The following COL18A1 variants were observed in gnomAD, a reference collection of about 807,000 sequenced individuals.
COL18A1 encodes collagen alpha-1(XVIII) chain.
In COL18A1, 133 loss-of-function variants were observed where a neutral mutation model predicts 168.0. That is an observed-to-expected ratio of 0.79 (90% CI 0.69 to 0.91). The LOEUF (loss-of-function observed/expected upper bound fraction) is 0.91. Ranked by LOEUF, COL18A1 falls within the 40% of genes least tolerant of loss-of-function variation. The probability of loss-of-function intolerance (pLI) is 0.00; values close to 1 mark genes in which losing one functional copy is unlikely to be tolerated. For missense variants in COL18A1, 2,126 were observed against 1,925.4 expected (o/e 1.10, Z -1.95); for synonymous variants, 949 against 809.0 (o/e 1.17, Z -2.94).
chr21:45,476,676 C>T (rs1200787456), intron 6 of COL18A1, among the ~76,000 whole-genome samples, 196 bp downstream of exon 6: 1 of 145,164 alleles, frequency 6.9e-6, no homozygotes, highest in Non-Finnish European at 1.5e-5. Flanking sequence ...GTGTGATGTG[C>T]ATGTTTGTGA....
intron 21 of COL18A1, 104 bp downstream of exon 21, chr21:45,490,975 C>A: frequency 8.8e-7 from 1 of 1,142,840 alleles, no homozygotes; most frequent in Non-Finnish European, 1.3e-6. Context: ...CCCATGTGAC[C>A]TCAGAGACTC....
chr21:45,412,061 C>G (rs2033313556), intron 2 of COL18A1, among the ~76,000 whole-genome samples: 1 of 152,134 alleles, frequency 6.6e-6, no homozygotes, highest in South Asian at 2.1e-4. Flanking sequence ...CGTCGTGCTT[C>G]TCTGGGAATG....
At chr21:45,509,645 G>T (rs1035617713) in intron 39 of COL18A1, 44 bp downstream of exon 39, 8 of 1,029,122 alleles carry the variant, frequency 7.8e-6, no homozygotes, top group African/African-American at 1.6e-5. Context: ...CTAGCCCCTC[G>T]GCTCTCGGCA....
rs560791680 is a variant in COL18A1 at position 45,454,852 on chromosome 21, C to T, written c.107-13390C>T. 1.8e-3 allele frequency among the ~76,000 whole-genome samples: 269 copies of T among 152,300 alleles called. 1 individual carries two copies. Among genetic ancestry groups the T allele is most frequent in the Middle Eastern group, 0.01 (3 of 294 alleles). On this transcript the variant is annotated intron_variant, in intron 2 of 41. Coordinates refer to ENST00000651438, the MANE Select transcript of COL18A1 (RefSeq NM_001379500.1). ...GGAGTATGCATTCCTGCCCTGGTCC[C>T]GGGCTCCGTCTCTGCTGGGTCTCCT...
chr21:45,487,230 C>T (rs890765429), intron 16 of COL18A1, among the ~76,000 whole-genome samples: 1 of 152,226 alleles, frequency 6.6e-6, no homozygotes, highest in Non-Finnish European at 1.5e-5. Context: ...CGTGCCCTGA[C>T]CAAGAGCGAA....
chr21:45,437,520 A>T (rs58307811), intron 2 of COL18A1, among the ~76,000 whole-genome samples: 80 of 44,944 alleles, frequency 1.8e-3, no homozygotes, highest in Non-Finnish European at 2.1e-3. Context: ...CTGCACACAC[A>T]CACTCAGACA....
In COL18A1 at chr21:45,509,429, ACCC is replaced by A. The variant is rs768496372; in HGVS notation, c.3326_3328del (p.Pro1109del). ...AGCAACCCCTACCCGCGGCGGGAGC[ACCC>A]CCACCCCACCGCGCGGCCCTGGCGG... On this transcript the variant is annotated inframe_deletion, in exon 39 of 42. Coordinates refer to ENST00000651438, the MANE Select transcript of COL18A1 (RefSeq NM_001379500.1). 3.7e-5 allele frequency: 57 copies of A among 1,533,258 alleles called. 1 individual carries two copies. In the South Asian group the frequency reaches 6.8e-4, roughly 18 times the overall value. The allele number at this position is 1,533,258 out of a possible 1,614,324, so 95.0% of individuals were successfully genotyped here.
rs62000963 is a variant in COL18A1, at chr21:45,490,313, C to G, written c.1998C>G (p.Gly666=). ...CAGATGGAGTCCCCGGGTTCCCCGGCCTCCCTGGCAGAGAGGGCATTGCTG... is the reference window on the plus strand; with the variant it reads ...CAGATGGAGTCCCCGGGTTCCCCGGGCTCCCTGGCAGAGAGGGCATTGCTG... ...VGADGVPGFP[G]LPGREGIAGP... Residue 666 remains glycine (G), a synonymous_variant, in exon 20 of 42, where the codon GGC becomes GGG. Coordinates refer to ENST00000651438, the MANE Select transcript of COL18A1 (RefSeq NM_001379500.1). 3.8e-6 allele frequency: 6 copies of G among 1,588,908 alleles called. No homozygotes were observed. The East Asian group carries it at 1.1e-4, about 30-fold the overall frequency.
Position 45,488,455 on chromosome 21 carries a change from G to C in COL18A1, c.1923+11G>C, listed in dbSNP as rs1392006093. ...CTGCCGGGACTTAAGGTCAGTGACGGATATGTCTGGGTTTCTGTGGTTGCT... is the reference window on the plus strand; with the variant it reads ...CTGCCGGGACTTAAGGTCAGTGACGCATATGTCTGGGTTTCTGTGGTTGCT... On this transcript the variant is annotated intron_variant, in intron 18 of 41. Transcript: ENST00000651438. 3 of 1,613,944 alleles carry C rather than the reference G, an allele frequency of 1.9e-6. No individual in the cohort carries two copies. The highest frequency in any genetic ancestry group is 2.5e-6 in the Non-Finnish European group (3 of 1,180,006).
chr21:45,456,291 G>A (rs557208339), intron 2 of COL18A1: 22 of 1,563,956 alleles, frequency 1.4e-5, no homozygotes, highest in Admixed American at 5.7e-5. Context: ...CAGCTCCAAC[G>A]CCCTGACGTC....
At chr21:45,486,325 C>G (rs951138292) in intron 15 of COL18A1, among the ~76,000 whole-genome samples, 1 of 136,266 alleles carries the variant, frequency 7.3e-6, no homozygotes, top group East Asian at 2.2e-4. Context: ...CTCTTCTCCC[C>G]TCGCCTGCCG....
At chr21:45,437,646 T>A (rs1402587660) in intron 2 of COL18A1, among the ~76,000 whole-genome samples, 1 of 36,858 alleles carries the variant, frequency 2.7e-5, no homozygotes. Context: ...ACACAGGCAC[T>A]CTCCTGCACA....
At chr21:45,455,398 T>G (rs1425133517) in intron 2 of COL18A1, 8 of 1,275,454 alleles carry the variant, frequency 6.3e-6, no homozygotes, top group Non-Finnish European at 8.8e-6. Flanking sequence ...TCTGCAAGAG[T>G]GGGGGGTGGA....
chr21:45,422,792 C>CTT (rs200093729), intron 2 of COL18A1: 77 of 185,274 alleles, frequency 4.2e-4, no homozygotes, highest in African/African-American at 1.4e-3. Context: ...GTCCAAGTGG[C>CTT]TTTTTTTTTT....
At chr21:45,418,182 G>C (rs917900609) in intron 2 of COL18A1, among the ~76,000 whole-genome samples, 1 of 152,254 alleles carries the variant, frequency 6.6e-6, no homozygotes, top group Non-Finnish European at 1.5e-5. Flanking sequence ...CTCTTTGTGG[G>C]CTGCATCTGC....
At position 45,471,202 on chromosome 21, in the gene COL18A1, T is replaced by C. The variant is rs2035418786; in HGVS notation, c.651+2416T>C. Among the ~76,000 whole-genome samples the C allele has an allele frequency of 6.6e-6, 1 of 151,914 alleles. No individual in the cohort carries two copies. ...GGCGTGGGTGGCGCGCTATGGGCCGTGTGCTGAGGGCTGTGTTGGTTGATC... is the reference window on the plus strand; with the variant it reads ...GGCGTGGGTGGCGCGCTATGGGCCGCGTGCTGAGGGCTGTGTTGGTTGATC... On this transcript the variant is annotated intron_variant, in intron 3 of 41. Coordinates refer to ENST00000651438, the MANE Select transcript of COL18A1 (RefSeq NM_001379500.1). This position sits in a 1 kb window ranked among gnomAD's most constrained non-coding sequence, Gnocchi z 4.4.
chr21:45,451,473 T>C (rs977781732), intron 2 of COL18A1, among the ~76,000 whole-genome samples: 16 of 152,292 alleles, frequency 1.1e-4, no homozygotes, highest in African/African-American at 1.4e-4. Context: ...GGCTGTGTTG[T>C]GGGGTGCCGC....
chr21:45,503,901 G>T (rs866014617), intron 32 of COL18A1, 110 bp from the exon 33 acceptor site: 1 of 1,121,866 alleles, frequency 8.9e-7, no homozygotes, highest in Non-Finnish European at 1.4e-6. Flanking sequence ...TCTCTACCGC[G>T]AAATGGCTAG....
chr21:45,405,500 T>A, intron 2 of COL18A1, 27 bp downstream of exon 2: 1 of 1,296,476 alleles, frequency 7.7e-7, no homozygotes, highest in Non-Finnish European at 9.9e-7. Context: ...ACGGGAAGGT[T>A]CGCGCCGGTG....
Sources: allele counts gnomAD v4.1 joint callset (sites outside exome capture counted in the v4.1 genomes callset), GRCh38; gene constraint gnomAD v4.1.1; non-coding constraint Gnocchi (gnomAD v3.1); transcripts MANE v1.5; gene names NCBI Gene and HGNC (gene_info 2026-07-23, HGNC 2026-07-21).